The following IL17D variants were observed in gnomAD, a reference collection of about 807,000 sequenced individuals.
IL17D encodes interleukin 17D, also known as interleukin-17D.
A neutral mutation model predicts 5.7 loss-of-function variants in IL17D; 10 were observed. The ratio of observed to expected loss-of-function variants is 1.75; its 90% CI spans 1.08 to 2.97. IL17D has a LOEUF of 2.97. Among genes scored for constraint, IL17D ranks in the 30% most tolerant of loss-of-function variants. The pLI, the probability that IL17D is intolerant of heterozygous loss-of-function variation, is 0.00. For synonymous variants in IL17D, 172 were observed against 141.7 expected, an observed-to-expected ratio of 1.21 and a Z score of -1.52; for missense variants, 354 against 292.7, an observed-to-expected ratio of 1.21 and a Z score of -1.53.
At chr13:20,703,616 G>C (rs1233214340), upstream of IL17D, 1 of 171,334 alleles carries the variant, frequency 5.8e-6, no homozygotes, top group African/African-American at 2.4e-5. Context: ...AGCAGGGATG[G>C]CGCGCCCGGG....
intron 1 of IL17D, among the ~76,000 whole-genome samples, chr13:20,718,777 C>G: frequency 6.8e-6 from 1 of 148,008 alleles, no homozygotes. Context: ...CGCCCATGCT[C>G]ACACACCCAC....
upstream of IL17D, chr13:20,701,601 G>A (rs1057497191): frequency 2.6e-5 from 4 of 152,202 alleles, no homozygotes; most frequent in Non-Finnish European, 5.9e-5. Context: ...TGAAGCTTGC[G>A]TGGCCACATT....
chr13:20,704,234 C>T lies in IL17D; in HGVS notation c.233C>T (p.Ala78Val), dbSNP rs1470827073. 1.7e-4 allele frequency: 231 copies of T among 1,323,822 alleles called. No individual in the cohort carries two copies. Among genetic ancestry groups the T allele is most frequent in the Non-Finnish European group, 2.2e-4 (228 of 1,037,930 alleles). 82.0% of individuals were successfully genotyped at this position (1,323,822 alleles called of 1,614,324 possible). A position where few individuals can be genotyped will look rare whatever the true frequency, so the allele number is the denominator to read the frequency against. The part of the protein sequence containing the change: ...NASCPAGGRP[A>V]DRRFRPPTNL... ...AGCTGCCCGGCAGGGGGCAGGCCCG[C>T]CGACCGCCGCTTCCGGCCGCCCACC... The change falls in exon 1 of 2, where the codon GCC (alanine) becomes GTC (valine). Residue 78 changes from alanine (A) to valine (V), a missense_variant. Ala to Val is a moderately conservative substitution (Grantham distance 64). Coordinates refer to ENST00000682841, the MANE Select transcript of IL17D (RefSeq NM_001385224.1).
chr13:20,713,012 T>C (rs2058652434), intron 1 of IL17D: 1 of 150,318 alleles, frequency 6.7e-6, no homozygotes, highest in Non-Finnish European at 1.5e-5. Context: ...TCCCTCTTTC[T>C]TTTTTATAAC....
In IL17D at chr13:20,716,178, A is replaced by T. The variant is rs9509348; in HGVS notation, c.291-5458A>T. 1 of 792,280 alleles carries T rather than the reference A, an allele frequency of 1.3e-6. No homozygotes were observed. Among genetic ancestry groups the T allele is most frequent in the Non-Finnish European group, 1.5e-6 (1 of 653,642 alleles). The allele number at this position is 792,280 out of a possible 1,614,324, so 49.1% of individuals were successfully genotyped here. On this transcript the variant is annotated intron_variant, in intron 1 of 1. Transcript: ENST00000682841. This position sits in a 1 kb window ranked among gnomAD's most constrained non-coding sequence, Gnocchi z 4.2. ...CAGGACTCTCAGCTCTTGGAGAGGGATGCTACATGTCCCTCAGTGTCCCCA... is the reference window on the plus strand; with the variant it reads ...CAGGACTCTCAGCTCTTGGAGAGGGTTGCTACATGTCCCTCAGTGTCCCCA...
Position 20,718,812 on chromosome 13 carries a change from G to A in IL17D, c.291-2824G>A, listed in dbSNP as rs367635876. On this transcript the variant is annotated intron_variant, in intron 1 of 1. Coordinates refer to ENST00000682841, the MANE Select transcript of IL17D (RefSeq NM_001385224.1). ...CACACACCTGCCCACGCTCACCCCT[G>A]CCCACACACACCTGCCCACACTCAG... Among the ~76,000 whole-genome samples, 138 of 107,030 alleles carry A rather than the reference G, an allele frequency of 1.3e-3. 2 individuals carry two copies. In the South Asian group the frequency reaches 0.041, roughly 32 times the overall value. The allele number at this position is 107,030 out of a possible 152,430, so 70.2% of individuals were successfully genotyped here.
At chr13:20,719,600 A>G (rs2141399133) in intron 1 of IL17D, among the ~76,000 whole-genome samples, 1 of 152,342 alleles carries the variant, frequency 6.6e-6, no homozygotes. Flanking sequence ...TAACACAACT[A>G]TTGTGAAATT....
At chr13:20,717,578 C>T (rs2058686589) in intron 1 of IL17D, among the ~76,000 whole-genome samples, 1 of 152,194 alleles carries the variant, frequency 6.6e-6, no homozygotes, top group African/African-American at 2.4e-5. Flanking sequence ...CTTCCAAAGG[C>T]ACAGGCCTTG....
chr13:20,704,939 A>G (rs2058579512), intron 1 of IL17D, among the ~76,000 whole-genome samples: 1 of 152,160 alleles, frequency 6.6e-6, no homozygotes, highest in Non-Finnish European at 1.5e-5. Flanking sequence ...TGGGAAAGAA[A>G]CCACACCATC....
chr13:20,702,801 G>T (rs1431918665), upstream of IL17D: 1 of 152,144 alleles, frequency 6.6e-6, no homozygotes, highest in African/African-American at 2.4e-5. Context: ...AGAGGCACAG[G>T]ATCATTTCAT....
At position 20,723,007 on chromosome 13, in the gene IL17D, T is replaced by A. The variant is rs1450175854; in HGVS notation, c.*1053T>A. On this transcript the variant is annotated 3_prime_UTR_variant, in exon 2 of 2. Coordinates refer to ENST00000682841, the MANE Select transcript of IL17D (RefSeq NM_001385224.1). ...TGCCACGAGAGCTAGGTCCTTGATC[T>A]TTTCTTTAGATTGAAAGTCTGTCTC... is the stretch of plus-strand genomic sequence containing the variant. The A allele has an allele frequency of 6.6e-6, 1 of 152,242 alleles. No homozygotes were observed. The highest frequency in any genetic ancestry group is 1.5e-5 in the Non-Finnish European group (1 of 68,056). The allele number at this position is 152,242 out of a possible 1,614,324, so 9.4% of individuals were successfully genotyped here.
In IL17D at chr13:20,704,288, A is replaced by G. The variant is rs1594994575; in HGVS notation, c.287A>G (p.Tyr96Cys). 17 of 1,131,144 alleles carry G rather than the reference A, an allele frequency of 1.5e-5. No homozygotes were observed. In the East Asian group the frequency reaches 8.9e-4, roughly 59 times the overall value. The allele number at this position is 1,131,144 out of a possible 1,614,324, so 70.1% of individuals were successfully genotyped here. ...TNLRSVSPWA[Y>C]RISYDPARYP... The stretch of plus-strand genomic sequence containing the variant: ...CTGCGCAGCGTGTCGCCCTGGGCCT[A>G]CAGGTGAGCCGCGGGCGCGTCCTGG... Residue 96 changes from tyrosine to cysteine, a missense_variant, in exon 1 of 2, where the codon TAC becomes TGC. Physicochemically the swap from Tyr to Cys is radical, Grantham distance 194. Transcript: ENST00000682841.
intron 1 of IL17D, among the ~76,000 whole-genome samples, 159 bp downstream of exon 1, chr13:20,704,450 C>T (rs2058574782): frequency 1.0e-5 from 1 of 95,782 alleles, no homozygotes; most frequent in East Asian, 4.0e-4. Context: ...GCGTGGCACG[C>T]GGGGCGAGGC....
At chr13:20,719,226 C>T (rs542260114) in intron 1 of IL17D, among the ~76,000 whole-genome samples, 8 of 149,550 alleles carry the variant, frequency 5.3e-5, no homozygotes, top group South Asian at 2.2e-4. Context: ...TCACCACACA[C>T]GCCCATGCTT....
chr13:20,713,323 A>C (rs1445796831), intron 1 of IL17D: 1 of 152,246 alleles, frequency 6.6e-6, no homozygotes, highest in African/African-American at 2.4e-5. Flanking sequence ...CTCATTGTTT[A>C]AAGCAGCTTA....
At position 20,704,019 on chromosome 13, in the gene IL17D, C is replaced by T; in HGVS notation, c.18C>T (p.Phe6=). MLVAG[F]LLALPPSWAA... ...AGGTCTGGATGCTGGTAGCCGGCTT[C>T]CTGCTGGCGCTGCCGCCGAGCTGGG... is the stretch of plus-strand genomic sequence containing the variant. The change falls in exon 1 of 2, where the codon TTC becomes TTT. Residue 6 remains phenylalanine, a synonymous_variant. Coordinates refer to ENST00000682841, the MANE Select transcript of IL17D (RefSeq NM_001385224.1). 15 of 1,027,578 alleles carry T rather than the reference C, an allele frequency of 1.5e-5. No homozygotes were observed. The highest frequency in any genetic ancestry group is 4.7e-4 in the Middle Eastern group (1 of 2,112). The allele number at this position is 1,027,578 out of a possible 1,614,324, so 63.7% of individuals were successfully genotyped here.
In IL17D at chr13:20,707,301, C is replaced by CA. The variant is rs547009813; in HGVS notation, c.290+3018dup. ...CAACATAGTATGAGACTTATCACTACAAAAAAAACAGCCAGGTGTGGTCAT... is the reference window on the plus strand; with the variant it reads ...CAACATAGTATGAGACTTATCACTACAAAAAAAAACAGCCAGGTGTGGTCAT... On this transcript the variant is annotated intron_variant, in intron 1 of 1. Coordinates refer to ENST00000682841, the MANE Select transcript of IL17D (RefSeq NM_001385224.1). Among the ~76,000 whole-genome samples, 137 of 151,320 alleles carry CA rather than the reference C, an allele frequency of 9.1e-4. 1 individual carries two copies. The highest frequency in any genetic ancestry group is 1.4e-3 in the Non-Finnish European group (97 of 67,760).
chr13:20,718,988 TCACA>T (rs1302645465), intron 1 of IL17D, among the ~76,000 whole-genome samples: 42 of 108,340 alleles, frequency 3.9e-4, no homozygotes, highest in Non-Finnish European at 6.6e-4. Context: ...ACCTGCCCAC[TCACA>T]CACCCACACA....
intron 1 of IL17D, among the ~76,000 whole-genome samples, chr13:20,720,360 C>A (rs1365347503): frequency 6.6e-6 from 1 of 152,142 alleles, no homozygotes; most frequent in Non-Finnish European, 1.5e-5. Flanking sequence ...TTCTAAAATT[C>A]CATCTGAGGG....
Sources: allele counts gnomAD v4.1 joint callset (sites outside exome capture counted in the v4.1 genomes callset), GRCh38; gene constraint gnomAD v4.1.1; non-coding constraint Gnocchi (gnomAD v3.1); transcripts MANE v1.5; gene names NCBI Gene and HGNC (gene_info 2026-07-23, HGNC 2026-07-21).